The following ATRN variants were observed in gnomAD, a reference collection of about 807,000 sequenced individuals.
ATRN encodes attractin-2.
In ATRN, 54 loss-of-function variants were observed where a neutral mutation model predicts 178.7. That is an observed-to-expected ratio of 0.30 (90% CI 0.24 to 0.38). The LOEUF is 0.38. Among genes scored for constraint, ATRN ranks in the 10% least tolerant of loss-of-function variants. ATRN has a pLI of 1.00. For missense variants in ATRN, 1,443 were observed against 1,815.1 expected (o/e 0.79, Z 3.73); for synonymous variants, 636 against 663.0 (o/e 0.96, Z 0.63).
Position 3,649,189 on chromosome 20 carries a change from G to C in ATRN, c.*2342G>C, listed in dbSNP as rs2087128429. 6.6e-6 allele frequency: 1 copy of C among 152,392 alleles called. No homozygotes were observed. The highest frequency in any genetic ancestry group is 6.5e-5 in the Admixed American group (1 of 15,272). 9.4% of individuals were successfully genotyped at this position (152,392 alleles called of 1,614,324 possible). On this transcript the variant is annotated 3_prime_UTR_variant, in exon 29 of 29. Transcript: ENST00000262919. ...GGAATGGCAGGGAGTAAGAGGCGCT[G>C]GGCTCGGAGCCTGTTTCCAAGAAGG...
intron 24 of ATRN, among the ~76,000 whole-genome samples, chr20:3,614,568 G>A (rs1039528058): frequency 1.3e-5 from 2 of 152,154 alleles, no homozygotes; most frequent in African/African-American, 4.8e-5. Context: ...TAACAGGATC[G>A]CTATACTGAG....
chr20:3,535,588 TACACACACACACACACACACAC>T (rs11468707), intron 2 of ATRN, among the ~76,000 whole-genome samples: 1 of 143,110 alleles, frequency 7.0e-6, no homozygotes, highest in South Asian at 2.3e-4. Flanking sequence ...CAGAAACGGT[TACACACACACACACACACACAC>T]ACACACACAC....
At chr20:3,631,454 A>G (rs959706033) in intron 25 of ATRN, among the ~76,000 whole-genome samples, 1 of 142,194 alleles carries the variant, frequency 7.0e-6, no homozygotes, top group Non-Finnish European at 1.5e-5. Context: ...AGTAAACTCT[A>G]GGTCCTGACA....
At chr20:3,524,453 C>T (rs554484027) in intron 1 of ATRN, among the ~76,000 whole-genome samples, 10 of 152,258 alleles carry the variant, frequency 6.6e-5, no homozygotes, top group East Asian at 5.8e-4. Context: ...TACACTCCCA[C>T]GCAATAATAG....
chr20:3,478,231 CAT>C (rs1250032632), intron 1 of ATRN, among the ~76,000 whole-genome samples: 3 of 152,180 alleles, frequency 2.0e-5, no homozygotes, highest in Non-Finnish European at 2.9e-5. Context: ...TTCTAAAAAA[CAT>C]GTGTCTCTAT....
In ATRN at chr20:3,569,422, A is replaced by G. The variant is rs78123447; in HGVS notation, c.1872-3309A>G. 7.9e-3 allele frequency among the ~76,000 whole-genome samples: 1,203 copies of G among 152,302 alleles called. 22 individuals carry two copies. The highest frequency in any genetic ancestry group is 0.027 in the African/African-American group (1,141 of 41,562). Reference sequence around the variant, plus strand: ...GCATATCTAAACATAGAGAAGGTACAGTAAAAATGCAATATAAAAGATAAA... The same window carrying G: ...GCATATCTAAACATAGAGAAGGTACGGTAAAAATGCAATATAAAAGATAAA... On this transcript the variant is annotated intron_variant, in intron 11 of 28. Coordinates refer to ENST00000262919, the MANE Select transcript of ATRN (RefSeq NM_139321.3).
At chr20:3,526,223 T>C (rs2085362441) in intron 1 of ATRN, among the ~76,000 whole-genome samples, 1 of 152,194 alleles carries the variant, frequency 6.6e-6, no homozygotes, top group African/African-American at 2.4e-5. Context: ...AAAATCAGTG[T>C]GCAAAAATCA....
Position 3,565,345 on chromosome 20 carries a change from T to C in ATRN, c.1787-3T>C, listed in dbSNP as rs773202241. 6.2e-7 allele frequency: 1 copy of C among 1,613,142 alleles called. No individual in the cohort carries two copies. Among genetic ancestry groups the C allele is most frequent in the East Asian group, 2.2e-5 (1 of 44,870 alleles). On this transcript the variant is annotated splice_polypyrimidine_tract_variant and splice_region_variant and intron_variant, in intron 10 of 28. Coordinates refer to ENST00000262919, the MANE Select transcript of ATRN (RefSeq NM_139321.3). ...TTTAAAAATATATTTTTCTTTCTCC[T>C]AGCCTGTGACCGCTGGTCAGTGCTT...
intron 1 of ATRN, among the ~76,000 whole-genome samples, chr20:3,497,439 A>G (rs1433418643): frequency 1.3e-5 from 2 of 152,134 alleles, no homozygotes; most frequent in Non-Finnish European, 1.5e-5. Flanking sequence ...TTGGCTGGAT[A>G]TGAAATTCTG....
intron 19 of ATRN, among the ~76,000 whole-genome samples, chr20:3,591,780 A>G (rs1313950221): frequency 6.6e-6 from 1 of 152,156 alleles, no homozygotes. Flanking sequence ...GAGTTAGGAA[A>G]GTGTCTTCTG....
intron 24 of ATRN, among the ~76,000 whole-genome samples, chr20:3,613,640 CG>C (rs2086797064): frequency 6.6e-6 from 1 of 152,114 alleles, no homozygotes; most frequent in Admixed American, 6.5e-5. Flanking sequence ...GTATGGCTTT[CG>C]ATGCAGGCAA....
chr20:3,487,313 A>C (rs1400455405), intron 1 of ATRN, among the ~76,000 whole-genome samples: 7 of 152,038 alleles, frequency 4.6e-5, no homozygotes. Context: ...GGCTCACTGC[A>C]ACCTCCGCCT....
At chr20:3,584,351 C>G (rs758767741) in intron 17 of ATRN, among the ~76,000 whole-genome samples, 1 of 152,164 alleles carries the variant, frequency 6.6e-6, no homozygotes, top group Non-Finnish European at 1.5e-5. Context: ...ATTGCTCAAT[C>G]CATGTAATAT....
chr20:3,646,698 A>T (rs1261384855), intron 28 of ATRN, 25 bp from the exon 29 acceptor site: 1 of 1,575,300 alleles, frequency 6.3e-7, no homozygotes, highest in Admixed American at 1.9e-5. Context: ...CTCCCAGCAT[A>T]TGTTCTCTCT....
At chr20:3,580,610 A>T (rs1337416724) in intron 15 of ATRN, among the ~76,000 whole-genome samples, 6 of 152,196 alleles carry the variant, frequency 3.9e-5, no homozygotes, top group African/African-American at 1.4e-4. Flanking sequence ...GTGAATTAGG[A>T]TGTCGAAGAC....
At chr20:3,634,273 G>T in intron 25 of ATRN, 38 bp from the exon 26 acceptor site, 1 of 1,592,276 alleles carries the variant, frequency 6.3e-7, no homozygotes, top group Non-Finnish European at 8.6e-7. Context: ...CTGATTCTGG[G>T]GGCTGGGATA....
intron 22 of ATRN, among the ~76,000 whole-genome samples, chr20:3,600,210 A>G (rs976495585): frequency 1.3e-5 from 2 of 152,204 alleles, no homozygotes; most frequent in African/African-American, 4.8e-5. Flanking sequence ...GGCTTAACAG[A>G]TTCCTCAGCA....
At chr20:3,528,225 G>A (rs937330258) in intron 1 of ATRN, among the ~76,000 whole-genome samples, 7 of 151,868 alleles carry the variant, frequency 4.6e-5, no homozygotes, top group African/African-American at 1.7e-4. Flanking sequence ...AAAATTAGCC[G>A]GGCATGGTGG....
chr20:3,522,546 G>C (rs2085309610), intron 1 of ATRN, among the ~76,000 whole-genome samples: 1 of 152,182 alleles, frequency 6.6e-6, no homozygotes, highest in Admixed American at 6.5e-5. Context: ...AGATCTCCCA[G>C]CACACCACTC....
Sources: gnomAD v4.1 joint callset for allele counts (sites outside exome capture counted in the v4.1 genomes callset) on GRCh38, gnomAD v4.1.1 for gene constraint, MANE v1.5 for transcripts, NCBI Gene and HGNC (gene_info 2026-07-23, HGNC 2026-07-21) for gene names.